The following DDA1 variants were observed in gnomAD, a reference collection of about 807,000 sequenced individuals.
The protein encoded by DDA1 is DET1 and DDB1 associated 1.
In DDA1, 3 loss-of-function variants were observed where a neutral mutation model predicts 18.6. The ratio of observed to expected loss-of-function variants is 0.16; its 90% CI spans 0.07 to 0.42. The LOEUF (loss-of-function observed/expected upper bound fraction) is 0.42. Ranked by LOEUF, DDA1 falls within the 10% of genes least tolerant of loss-of-function variation. DDA1 has a pLI of 0.99. For synonymous variants in DDA1, 52 were observed against 54.0 expected, an observed-to-expected ratio of 0.96 and a Z score of 0.17; for missense variants, 105 against 138.2, an observed-to-expected ratio of 0.76 and a Z score of 1.20.
chr19:17,310,635 C>T (rs2074174712), intron 1 of DDA1, among the ~76,000 whole-genome samples: 1 of 152,166 alleles, frequency 6.6e-6, no homozygotes, highest in Non-Finnish European at 1.5e-5. Flanking sequence ...GCCCACAATC[C>T]ACAGTCCTTG....
At position 17,314,478 on chromosome 19, in the gene DDA1, C is replaced by T. The variant is rs1268299417; in HGVS notation, c.136+89C>T. The T allele has an allele frequency of 1.3e-6, 2 of 1,553,084 alleles. No homozygotes were observed. The highest frequency in any genetic ancestry group is 1.1e-5 in the South Asian group (1 of 89,108). On this transcript the variant is annotated intron_variant, in intron 3 of 4. Coordinates refer to ENST00000359866, the MANE Select transcript of DDA1 (RefSeq NM_024050.6). The surrounding 1 kb of genome is among the most constrained non-coding windows in gnomAD (Gnocchi z 4.6). The stretch of plus-strand genomic sequence containing the variant: ...CGTGGCACGCGGAGGTTATCTTCAA[C>T]CCCGGCCCAGGCCATAGACTTGGCT...
In DDA1 at chr19:17,322,788, G is replaced by C. The variant is rs1004561740; in HGVS notation, c.*3132G>C. 4 of 152,256 alleles carry C rather than the reference G, an allele frequency of 2.6e-5. No individual in the cohort carries two copies. Among genetic ancestry groups the C allele is most frequent in the Admixed American group, 2.0e-4 (3 of 15,282 alleles). 9.4% of individuals were successfully genotyped at this position (152,256 alleles called of 1,614,324 possible). ...TATCACAAGTCGGGGACTGCAGGAG[G>C]CTCAGGTGCCAGGTGCCTTCTGATG... On this transcript the variant is annotated 3_prime_UTR_variant, in exon 5 of 5. Coordinates refer to ENST00000359866, the MANE Select transcript of DDA1 (RefSeq NM_024050.6).
rs910236983 is a variant in DDA1, at chr19:17,314,225, C to A, written c.85-113C>A. 6 of 1,555,742 alleles carry A rather than the reference C, an allele frequency of 3.9e-6. No homozygotes were observed. The highest frequency in any genetic ancestry group is 3.5e-6 in the Non-Finnish European group (4 of 1,129,348). The stretch of plus-strand genomic sequence containing the variant: ...GCTGATCTTCAAGCCCAGCCCCATC[C>A]ACATACTTGAGTGTCTTCCAATCTG... On this transcript the variant is annotated intron_variant, in intron 2 of 4. Transcript: ENST00000359866. The surrounding 1 kb of genome is among the most constrained non-coding windows in gnomAD (Gnocchi z 4.6).
chr19:17,316,147 G>GCGTT, intron 4 of DDA1, 152 bp downstream of exon 4: 1 of 867,780 alleles, frequency 1.2e-6, no homozygotes, highest in Non-Finnish European at 1.9e-6. Context: ...AGAGGGAAGA[G>GCGTT]CGTTCCAGTG....
rs553078811 is a variant in DDA1, at chr19:17,311,235, G to A, written c.3+1578G>A. ...GGCTGGAGTGCAGTGGCATGATCTC[G>A]GCTCACTGGAACCTCCGCCTCCTGG... On this transcript the variant is annotated intron_variant, in intron 1 of 4. Coordinates refer to ENST00000359866, the MANE Select transcript of DDA1 (RefSeq NM_024050.6). Among the ~76,000 whole-genome samples, 4 of 151,182 alleles carry A rather than the reference G, an allele frequency of 2.6e-5. No homozygotes were observed. In the South Asian group the frequency reaches 6.3e-4, roughly 24 times the overall value.
chr19:17,318,456 C>T (rs1276397587), intron 4 of DDA1, among the ~76,000 whole-genome samples: 1 of 152,092 alleles, frequency 6.6e-6, no homozygotes, highest in African/African-American at 2.4e-5. Flanking sequence ...GTCTTGAACT[C>T]CCGACCTCAG....
chr19:17,309,769 A>T, intron 1 of DDA1, 112 bp downstream of exon 1: 2 of 1,378,412 alleles, frequency 1.5e-6, no homozygotes, highest in Non-Finnish European at 2.0e-6. Context: ...CGGTCCCCTC[A>T]GGTCCGGCCC....
chr19:17,314,654 C>T lies in DDA1; in HGVS notation c.136+265C>T. On this transcript the variant is annotated intron_variant, in intron 3 of 4. Transcript: ENST00000359866. The surrounding 1 kb of genome is among the most constrained non-coding windows in gnomAD (Gnocchi z 4.6). ...TGGGGACAGCCAGAAACCTGGCTTT[C>T]CCCAGGTGTCTCTTGATTGGGACAC... 1.9e-6 allele frequency: 1 copy of T among 524,128 alleles called. No individual in the cohort carries two copies. Among genetic ancestry groups the T allele is most frequent in the South Asian group, 2.1e-5 (1 of 47,556 alleles). 32.5% of individuals were successfully genotyped at this position (524,128 alleles called of 1,614,324 possible).
At position 17,317,977 on chromosome 19, in the gene DDA1, T is replaced by G. The variant is rs897458102; in HGVS notation, c.199-1569T>G. Among the ~76,000 whole-genome samples, 24 of 151,258 alleles carry G rather than the reference T, an allele frequency of 1.6e-4. 1 individual carries two copies. The highest frequency in any genetic ancestry group is 5.6e-4 in the African/African-American group (23 of 41,112). ...TCTTTTTCTTTTTCGTTTTTCATTT[T>G]CTTTTGCCCTGCCCTGCCCTGCCCT... On this transcript the variant is annotated intron_variant, in intron 4 of 4. Coordinates refer to ENST00000359866, the MANE Select transcript of DDA1 (RefSeq NM_024050.6).
chr19:17,317,195 A>C (rs2074217399), intron 4 of DDA1, among the ~76,000 whole-genome samples: 1 of 152,216 alleles, frequency 6.6e-6, no homozygotes. Context: ...ACTGCACTGC[A>C]GCCTGGGCGG....
chr19:17,317,336 C>T lies in DDA1; in HGVS notation c.198+1341C>T, dbSNP rs565371084. 8.5e-5 allele frequency among the ~76,000 whole-genome samples: 13 copies of T among 152,196 alleles called. 2 individuals carry two copies. Among genetic ancestry groups the T allele is most frequent in the African/African-American group, 1.9e-4 (8 of 41,536 alleles). On this transcript the variant is annotated intron_variant, in intron 4 of 4. Coordinates refer to ENST00000359866, the MANE Select transcript of DDA1 (RefSeq NM_024050.6). ...CATCCTGGCTAACACGGTGAAACCC[C>T]GTCTCTACTAAAAATACAAAAAATT...
intron 1 of DDA1, among the ~76,000 whole-genome samples, chr19:17,312,473 G>A (rs1292280286): frequency 6.6e-6 from 1 of 152,084 alleles, no homozygotes; most frequent in African/African-American, 2.4e-5. Context: ...TAGAGGGTGT[G>A]TGTGGCAGAG....
Position 17,314,301 on chromosome 19 carries a change from C to T in DDA1, c.85-37C>T, listed in dbSNP as rs2074192277. ...GGGATGAGGAGACCCCAGGCCCATG[C>T]ACTCTCCTAACCCACCCCTTCTCAA... On this transcript the variant is annotated intron_variant, in intron 2 of 4. Coordinates refer to ENST00000359866, the MANE Select transcript of DDA1 (RefSeq NM_024050.6). The surrounding 1 kb of genome is among the most constrained non-coding windows in gnomAD (Gnocchi z 4.6). 3.7e-6 allele frequency: 6 copies of T among 1,613,440 alleles called. No individual in the cohort carries two copies. Among genetic ancestry groups the T allele is most frequent in the Non-Finnish European group, 4.2e-6 (5 of 1,179,366 alleles).
chr19:17,320,044 G>T lies in DDA1; in HGVS notation c.*388G>T. ...GGCTTTACTGTGGCCGGGCGACAGG[G>T]GCGGGCCCGGGGTGGCCTGACCTAC... On this transcript the variant is annotated 3_prime_UTR_variant, in exon 5 of 5. Coordinates refer to ENST00000359866, the MANE Select transcript of DDA1 (RefSeq NM_024050.6). 1 of 186,342 alleles carries T rather than the reference G, an allele frequency of 5.4e-6. No homozygotes were observed. The highest frequency in any genetic ancestry group is 1.1e-5 in the Non-Finnish European group (1 of 88,576). The allele number at this position is 186,342 out of a possible 1,614,324, so 11.5% of individuals were successfully genotyped here. A position where few individuals can be genotyped will look rare whatever the true frequency, so the allele number is the denominator to read the frequency against.
chr19:17,310,448 G>C (rs1385004770), intron 1 of DDA1, among the ~76,000 whole-genome samples: 2 of 152,188 alleles, frequency 1.3e-5, no homozygotes, highest in Non-Finnish European at 2.9e-5. Context: ...ATTTGGGTCT[G>C]GTGGTTCTTC....
At chr19:17,310,395 T>A (rs1172153467) in intron 1 of DDA1, among the ~76,000 whole-genome samples, 1 of 152,020 alleles carries the variant, frequency 6.6e-6, no homozygotes, top group Non-Finnish European at 1.5e-5. Context: ...CACCTGGCTG[T>A]TGGAAGGTTG....
intron 4 of DDA1, among the ~76,000 whole-genome samples, chr19:17,316,871 C>T (rs2074215875): frequency 6.6e-6 from 1 of 150,938 alleles, no homozygotes; most frequent in Non-Finnish European, 1.5e-5. Flanking sequence ...GAGCGAGACT[C>T]CATCTCAAAA....
chr19:17,313,053 A>G (rs986356357), intron 1 of DDA1, among the ~76,000 whole-genome samples: 4 of 152,144 alleles, frequency 2.6e-5, no homozygotes, highest in Admixed American at 2.6e-4. Context: ...AAATTGTCTG[A>G]ATAGCAGCTT....
At chr19:17,310,743 T>G (rs2074175187) in intron 1 of DDA1, among the ~76,000 whole-genome samples, 2 of 152,066 alleles carry the variant, frequency 1.3e-5, no homozygotes, top group African/African-American at 4.8e-5. Flanking sequence ...TTGTCCTTGA[T>G]ACCTTGGTAC....
Sources: gnomAD v4.1 joint callset for allele counts (sites outside exome capture counted in the v4.1 genomes callset) on GRCh38, gnomAD v4.1.1 for gene constraint, Gnocchi (gnomAD v3.1) non-coding constraint, MANE v1.5 for transcripts, NCBI Gene and HGNC (gene_info 2026-07-23, HGNC 2026-07-21) for gene names.